The following NBEA variants were observed in gnomAD, a reference collection of about 807,000 sequenced individuals.
NBEA encodes neurobeachin.
NBEA carries 44 observed loss-of-function variants against 343.4 expected under a neutral mutation model. The observed-to-expected ratio is 0.13, with a 90% CI of 0.10 to 0.16. NBEA has a LOEUF of 0.16. Ranked by LOEUF, NBEA falls within the 10% of genes least tolerant of loss-of-function variation. NBEA has a pLI of 1.00. For missense variants in NBEA, 2,555 were observed against 3,631.3 expected, an observed-to-expected ratio of 0.70 and a Z score of 7.62; for synonymous variants, 1,175 against 1,238.7, an observed-to-expected ratio of 0.95 and a Z score of 1.08.
intron 1 of NBEA, among the ~76,000 whole-genome samples, chr13:35,031,603 C>CTCAA (rs2062220907): frequency 6.6e-6 from 1 of 151,304 alleles, no homozygotes; most frequent in Non-Finnish European, 1.5e-5. Context: ...AAGTACTTAA[C>CTCAA]TCAATTATCT....
rs1555267120 is a variant in NBEA at position 35,445,793 on chromosome 13, T to TATATATATAC, written c.6305-6290_6305-6289insCATATATATA. On this transcript the variant is annotated intron_variant, in intron 39 of 58. Coordinates refer to ENST00000379939, the MANE Select transcript of NBEA (RefSeq NM_001385012.1). ...TAAGATATAAATGTTTATATATATA[T>TATATATATAC]ATATATATATATATATATATATATG... Among the ~76,000 whole-genome samples the TATATATATAC allele has an allele frequency of 1.7e-3, 133 of 78,712 alleles. 1 individual carries two copies. The highest frequency in any genetic ancestry group is 8.9e-3 in the African/African-American group (129 of 14,466). 51.6% of individuals were successfully genotyped at this position (78,712 alleles called of 152,430 possible).
chr13:35,090,005 A>G (rs1441164508), intron 10 of NBEA, among the ~76,000 whole-genome samples: 1 of 151,634 alleles, frequency 6.6e-6, no homozygotes, highest in Non-Finnish European at 1.5e-5. Flanking sequence ...GCACATGTAT[A>G]CATATGTAAC....
At chr13:35,298,311 A>G (rs2036296235) in intron 35 of NBEA, among the ~76,000 whole-genome samples, 1 of 149,138 alleles carries the variant, frequency 6.7e-6, no homozygotes, top group South Asian at 2.1e-4. Flanking sequence ...TTCAGAGGTC[A>G]AGAATATAGT....
chr13:35,020,898 A>C lies in NBEA; in HGVS notation c.295-20035A>C, dbSNP rs1272665157. ...TAATCTACTGAGACAGGTGTGTTGA[A>C]ATTTCAACAAAAATTGTAGATTTGT... On this transcript the variant is annotated intron_variant, in intron 1 of 58. Coordinates refer to ENST00000379939, the MANE Select transcript of NBEA (RefSeq NM_001385012.1). 5.9e-5 allele frequency among the ~76,000 whole-genome samples: 9 copies of C among 152,158 alleles called. 1 individual carries two copies. Among genetic ancestry groups the C allele is most frequent in the African/African-American group, 2.2e-4 (9 of 41,504 alleles).
chr13:35,219,033 AT>A (rs1041570091), intron 33 of NBEA, among the ~76,000 whole-genome samples: 5 of 151,836 alleles, frequency 3.3e-5, no homozygotes, highest in Non-Finnish European at 5.9e-5. Context: ...AAAATTTTCT[AT>A]TTTTTTCTGG....
rs528607294 is a variant in NBEA, at chr13:35,292,476, A to G, written c.5838+2026A>G. On this transcript the variant is annotated intron_variant, in intron 35 of 58. Coordinates refer to ENST00000379939, the MANE Select transcript of NBEA (RefSeq NM_001385012.1). ...AGTGTTCTTCTACAGCCTTTAATGC[A>G]TCTCTTGTAGAATGAAGCACAGTCC... Among the ~76,000 whole-genome samples the G allele has an allele frequency of 5.9e-5, 9 of 152,114 alleles. No individual in the cohort carries two copies. In the South Asian group the frequency reaches 1.2e-3, roughly 21 times the overall value.
intron 1 of NBEA, among the ~76,000 whole-genome samples, chr13:34,947,574 A>G (rs1013376040): frequency 1.3e-5 from 2 of 152,050 alleles, no homozygotes; most frequent in African/African-American, 2.4e-5. Context: ...CAATGTCAGC[A>G]TATCTCTTTG....
At chr13:35,033,787 A>T (rs2062332781) in intron 1 of NBEA, among the ~76,000 whole-genome samples, 1 of 151,508 alleles carries the variant, frequency 6.6e-6, no homozygotes, top group Non-Finnish European at 1.5e-5. Context: ...GATTATTTTT[A>T]AATTTCTTTT....
chr13:35,504,019 A>G (rs924682678), intron 41 of NBEA, among the ~76,000 whole-genome samples: 2 of 152,218 alleles, frequency 1.3e-5, no homozygotes, highest in Non-Finnish European at 2.9e-5. Context: ...ACAGTTTTAC[A>G]TGAAAGACCT....
chr13:35,499,119 C>T (rs2076790503), intron 41 of NBEA, among the ~76,000 whole-genome samples: 1 of 152,026 alleles, frequency 6.6e-6, no homozygotes, highest in Non-Finnish European at 1.5e-5. Context: ...TGATGTGATG[C>T]TTTTTACATT....
chr13:35,161,185 AGGCTT>A (rs1326591211), intron 22 of NBEA, among the ~76,000 whole-genome samples: 2 of 143,898 alleles, frequency 1.4e-5, no homozygotes, highest in Admixed American at 6.8e-5. Flanking sequence ...ATTGAACAAT[AGGCTT>A]GCCTGTTGAA....
At position 34,958,718 on chromosome 13, in the gene NBEA, T is replaced by A. The variant is rs190976559; in HGVS notation, c.294+15604T>A. Among the ~76,000 whole-genome samples, 13 of 152,200 alleles carry A rather than the reference T, an allele frequency of 8.5e-5. No individual in the cohort carries two copies. In the East Asian group the frequency reaches 2.5e-3, roughly 29 times the overall value. On this transcript the variant is annotated intron_variant, in intron 1 of 58. Coordinates refer to ENST00000379939, the MANE Select transcript of NBEA (RefSeq NM_001385012.1). ...ATAAGAGAAAAGGTGGAGGAAGGGA[T>A]GAGAGTAAGTAAACTGAGAGTGTTT...
intron 39 of NBEA, among the ~76,000 whole-genome samples, chr13:35,440,155 C>T (rs769051907): frequency 6.6e-6 from 1 of 152,218 alleles, no homozygotes; most frequent in Non-Finnish European, 1.5e-5. Context: ...GCTGGGGTTA[C>T]AGGCATGAGC....
intron 36 of NBEA, among the ~76,000 whole-genome samples, chr13:35,341,358 T>A (rs577217685): frequency 2.6e-5 from 4 of 152,032 alleles, no homozygotes; most frequent in Admixed American, 2.6e-4. Flanking sequence ...TTCATAGATA[T>A]GACACCAAAA....
intron 34 of NBEA, among the ~76,000 whole-genome samples, chr13:35,258,170 ATTT>A (rs572598945): frequency 1.5e-5 from 2 of 134,650 alleles, no homozygotes; most frequent in African/African-American, 2.7e-5. Flanking sequence ...AGTCTTTGTC[ATTT>A]TTTTTTTTTT....
intron 58 of NBEA, 79 bp downstream of exon 58, chr13:35,668,598 G>A: frequency 3.8e-6 from 5 of 1,332,228 alleles, no homozygotes; most frequent in Non-Finnish European, 5.0e-6. Flanking sequence ...GGTGAATTGT[G>A]CTGTGAGTGC....
intron 48 of NBEA, among the ~76,000 whole-genome samples, chr13:35,609,797 A>G (rs1444606956): frequency 2.0e-5 from 3 of 152,182 alleles, no homozygotes; most frequent in Non-Finnish European, 2.9e-5. Flanking sequence ...CTTAATTATA[A>G]TACAGGTAAA....
At chr13:35,594,992 A>ACACACACACAC (rs35174924) in intron 47 of NBEA, among the ~76,000 whole-genome samples, 75 of 130,674 alleles carry the variant, frequency 5.7e-4, no homozygotes, top group East Asian at 2.6e-3. Context: ...CACACACACA[A>ACACACACACAC]ATTGGCTTTT....
chr13:35,478,973 C>T (rs2076006661), intron 41 of NBEA, among the ~76,000 whole-genome samples: 1 of 152,238 alleles, frequency 6.6e-6, no homozygotes, highest in South Asian at 2.1e-4. Context: ...GCGCAGGTGG[C>T]GCATCTTCGG....
Sources: gnomAD v4.1 joint callset for allele counts (sites outside exome capture counted in the v4.1 genomes callset) on GRCh38, gnomAD v4.1.1 for gene constraint, MANE v1.5 for transcripts, NCBI Gene and HGNC (gene_info 2026-07-23, HGNC 2026-07-21) for gene names.